NCOR2: variants seen among roughly 807,000 people sequenced by gnomAD.
NCOR2 encodes the protein CTG repeat protein 26.
NCOR2 carries 81 observed loss-of-function variants against 262.9 expected under a neutral mutation model. The observed-to-expected ratio is 0.31, with a 90% CI of 0.26 to 0.37. The LOEUF (loss-of-function observed/expected upper bound fraction) is 0.37. NCOR2 is among the 10% of genes least tolerant of loss of function. The pLI, the probability that NCOR2 is intolerant of heterozygous loss-of-function variation, is 1.00. For missense variants in NCOR2, 3,385 were observed against 3,621.4 expected, an observed-to-expected ratio of 0.93 and a Z score of 1.68; for synonymous variants, 1,659 against 1,559.3, an observed-to-expected ratio of 1.06 and a Z score of -1.51.
At chr12:124,347,945 G>A (rs753963894) in intron 29 of NCOR2, 34 bp from the exon 32 acceptor site, 1 of 1,547,656 alleles carries the variant, frequency 6.5e-7, no homozygotes, top group Non-Finnish European at 8.7e-7. Context: ...TCATTCCGTG[G>A]CTCCCTGAGC....
rs1292056396 is a variant in NCOR2 at position 124,429,118 on chromosome 12, C to T, written c.1149+495G>A. On this transcript the variant is annotated intron_variant, in intron 10 of 46. Transcript: ENST00000405201. ...CCAGCCAGGAGGGCTGAGGTGCCTG[C>T]GAGAAGGTCGTGGCTGCGTGGACAG... Among the ~76,000 whole-genome samples, 3 of 152,212 alleles carry T rather than the reference C, an allele frequency of 2.0e-5. No homozygotes were observed. In the East Asian group the frequency reaches 5.8e-4, roughly 29 times the overall value.
At chr12:124,333,958 GTGTGTGCGGGTGCGCA>G (rs1213987927) in intron 41 of NCOR2, among the ~76,000 whole-genome samples, 4 of 151,640 alleles carry the variant, frequency 2.6e-5, no homozygotes, top group Admixed American at 6.6e-5. Context: ...GTGCACGTGT[GTGTGTGCGGGTGCGCA>G]TGTGTGCGGG....
chr12:124,495,183 G>C lies in NCOR2; in HGVS notation c.69C>G (p.Ser23Arg). The change falls in exon 1 of 47, where the codon AGC (serine) becomes AGG (arginine). Residue 23 changes from serine to arginine, a missense_variant. Physicochemically the swap from Ser to Arg is moderately radical, Grantham distance 110 (BLOSUM62 -1). Transcript: ENST00000405201. This position sits in a 1 kb window ranked among gnomAD's most constrained non-coding sequence, Gnocchi z 4.4. Reference sequence around the variant, plus strand: ...GGGCGATCTGCACTGGGTAGGAAAGGCTGTGGGGCGGGTAGCGGGGCTCAG... The same window carrying C: ...GGGCGATCTGCACTGGGTAGGAAAGCCTGTGGGGCGGGTAGCGGGGCTCAG... 1 of 1,614,004 alleles carries C rather than the reference G, an allele frequency of 6.2e-7. No homozygotes were observed. Among genetic ancestry groups the C allele is most frequent in the East Asian group, 2.2e-5 (1 of 44,878 alleles).
rs532915556 is a variant in NCOR2, at chr12:124,334,372, C to T, written c.6605+52G>A. 76 of 1,360,286 alleles carry T rather than the reference C, an allele frequency of 5.6e-5. 1 individual carries two copies. In the South Asian group the frequency reaches 8.8e-4, roughly 16 times the overall value. 84.3% of individuals were successfully genotyped at this position (1,360,286 alleles called of 1,614,324 possible). ...ACCCAGCTCTGAGGCAGGCAGCTGACGAAGGCCTCCCGCCGGCTGACCAGC... is the reference window on the plus strand; with the variant it reads ...ACCCAGCTCTGAGGCAGGCAGCTGATGAAGGCCTCCCGCCGGCTGACCAGC... On this transcript the variant is annotated intron_variant, in intron 41 of 46. Coordinates refer to ENST00000405201, the Ensembl canonical transcript of NCOR2.
At chr12:124,330,069 G>A (rs1306841645) in intron 44 of NCOR2, among the ~76,000 whole-genome samples, 1 of 152,184 alleles carries the variant, frequency 6.6e-6, no homozygotes, top group African/African-American at 2.4e-5. Context: ...TCAAGGCCCA[G>A]GAATGTTCCC....
intron 1 of NCOR2, among the ~76,000 whole-genome samples, chr12:124,560,241 T>C (rs1194302340): frequency 1.3e-5 from 2 of 152,264 alleles, no homozygotes; most frequent in Admixed American, 1.3e-4. Flanking sequence ...TTTTAGGTTC[T>C]GTAGGCCTTC....
intron 1 of NCOR2, among the ~76,000 whole-genome samples, chr12:124,563,800 T>C (rs938000445): frequency 3.9e-5 from 6 of 152,248 alleles, no homozygotes; most frequent in Middle Eastern, 3.2e-3. Context: ...CTGCCCCACC[T>C]GGGGCAAAGA....
At chr12:124,536,695 C>A (rs186879924), upstream of NCOR2, among the ~76,000 whole-genome samples, 3 of 152,294 alleles carry the variant, frequency 2.0e-5, no homozygotes, top group African/African-American at 7.2e-5. Flanking sequence ...AACCCTCACC[C>A]GTTGCCGACG....
chr12:124,471,162 C>T (rs776591650), intron 4 of NCOR2, among the ~76,000 whole-genome samples: 1 of 152,244 alleles, frequency 6.6e-6, no homozygotes, highest in African/African-American at 2.4e-5. Context: ...CCCCCAACCA[C>T]GTGACAGCCA....
intron 20 of NCOR2, among the ~76,000 whole-genome samples, chr12:124,370,917 C>T (rs1245239089): frequency 3.3e-5 from 5 of 152,156 alleles, no homozygotes; most frequent in Admixed American, 2.0e-4. Flanking sequence ...ACCTGTGATC[C>T]TGAGCCCTGG....
intron 1 of NCOR2, among the ~76,000 whole-genome samples, chr12:124,561,421 A>T (rs1213773503): frequency 6.6e-6 from 1 of 151,826 alleles, no homozygotes; most frequent in African/African-American, 2.4e-5. Flanking sequence ...ATGGAAGGAG[A>T]CTCCCCCAAC....
At chr12:124,360,854 G>A (rs910932956) in intron 22 of NCOR2, among the ~76,000 whole-genome samples, 1 of 152,146 alleles carries the variant, frequency 6.6e-6, no homozygotes, top group Non-Finnish European at 1.5e-5. Flanking sequence ...GTTTCTCATG[G>A]TGGATGAACG....
chr12:124,554,421 C>T (rs1408216727), intron 1 of NCOR2, among the ~76,000 whole-genome samples: 2 of 152,206 alleles, frequency 1.3e-5, no homozygotes, highest in Non-Finnish European at 2.9e-5. Flanking sequence ...GGAATATCTC[C>T]TCTGGGAAGC....
intron 20 of NCOR2, among the ~76,000 whole-genome samples, chr12:124,366,053 C>T (rs1449393694): frequency 6.6e-6 from 1 of 152,140 alleles, no homozygotes; most frequent in Non-Finnish European, 1.5e-5. Context: ...GTCGGTGAGC[C>T]CTCATTGCCC....
At chr12:124,565,418 C>T (rs1377007854) in intron 1 of NCOR2, among the ~76,000 whole-genome samples, 1 of 152,190 alleles carries the variant, frequency 6.6e-6, no homozygotes, top group Admixed American at 6.5e-5. Context: ...GCTCCACCCC[C>T]CCTTCATTGC....
In NCOR2 at chr12:124,457,059, G is replaced by A. The variant is rs2045915566; in HGVS notation, c.762+47C>T. Reference sequence around the variant, plus strand: ...TCCCGCCTCCCTGCCCACCTCTCCAGCCACCCCCGCCCTCCCCTGAGCCCC... The same window carrying A: ...TCCCGCCTCCCTGCCCACCTCTCCAACCACCCCCGCCCTCCCCTGAGCCCC... On this transcript the variant is annotated intron_variant, in intron 6 of 46. Coordinates refer to ENST00000405201, the Ensembl canonical transcript of NCOR2. This position sits in a 1 kb window ranked among gnomAD's most constrained non-coding sequence, Gnocchi z 4.0. The A allele has an allele frequency of 1.7e-5, 10 of 594,384 alleles. No individual in the cohort carries two copies. The highest frequency in any genetic ancestry group is 6.6e-5 in the South Asian group (3 of 45,246). The allele number at this position is 594,384 out of a possible 1,614,324, so 36.8% of individuals were successfully genotyped here. A position where few individuals can be genotyped will look rare whatever the true frequency, so the allele number is the denominator to read the frequency against.
intron 37 of NCOR2, 76 bp from the exon 40 acceptor site, chr12:124,337,256 T>G (rs1283406607): frequency 2.0e-6 from 3 of 1,477,920 alleles, no homozygotes; most frequent in Non-Finnish European, 2.8e-6. Context: ...GAGTCCCCAT[T>G]GCCCTGGGAT....
intron 1 of NCOR2, among the ~76,000 whole-genome samples, chr12:124,490,838 G>A (rs1269741914): frequency 6.6e-6 from 1 of 152,252 alleles, no homozygotes; most frequent in East Asian, 1.9e-4. Context: ...CTCTGGGGTT[G>A]GCGTGACCCT....
intron 22 of NCOR2, among the ~76,000 whole-genome samples, chr12:124,359,692 C>G (rs117965788): frequency 1.3e-5 from 2 of 152,226 alleles, no homozygotes; most frequent in South Asian, 2.1e-4. Context: ...AGGAGGGGAG[C>G]TGTTCGATGC....
Sources: allele counts gnomAD v4.1 joint callset (sites outside exome capture counted in the v4.1 genomes callset), GRCh38; gene constraint gnomAD v4.1.1; non-coding constraint Gnocchi (gnomAD v3.1); transcripts MANE v1.5; gene names NCBI Gene and HGNC (gene_info 2026-07-23, HGNC 2026-07-21).